Variants in IL1RAPL2 observed in about 807,000 individuals in gnomAD.
IL1RAPL2 encodes interleukin 1 receptor accessory protein like 2.
IL1RAPL2 carries 3 observed loss-of-function variants against 44.1 expected under a neutral mutation model. That is an observed-to-expected ratio of 0.07 (90% CI 0.03 to 0.18). The LOEUF is 0.18. Ranked by LOEUF, IL1RAPL2 falls within the 10% of genes least tolerant of loss-of-function variation. IL1RAPL2 has a pLI of 1.00. For synonymous variants in IL1RAPL2, 181 were observed against 178.8 expected, an observed-to-expected ratio of 1.01 and a Z score of -0.10; for missense variants, 391 against 496.4, an observed-to-expected ratio of 0.79 and a Z score of 2.02.
At chrX:104,682,168 A>G (rs890221749) in intron 2 of IL1RAPL2, among the ~76,000 whole-genome samples, 2 of 112,089 alleles carry the variant, frequency 1.8e-5, no homozygotes, top group African/African-American at 3.2e-5. Flanking sequence ...ATTTGCACCC[A>G]TATCTTACTA....
chrX:105,489,787 TTCTCTCTCTCTCTCTCTC>T (rs36081932), intron 6 of IL1RAPL2, among the ~76,000 whole-genome samples: 1 of 73,373 alleles, frequency 1.4e-5, no homozygotes. Flanking sequence ...CTTTCTCTCT[TTCTCTCTCTCTCTCTCTC>T]TCTCTCTCTC....
At chrX:104,767,480 C>T (rs2147595438) in intron 2 of IL1RAPL2, among the ~76,000 whole-genome samples, 1 of 111,565 alleles carries the variant, frequency 9.0e-6, no homozygotes, top group East Asian at 2.8e-4. Flanking sequence ...AGGTTTTTAA[C>T]AGTCTGCCAT....
At chrX:105,112,945 C>T (rs747110784) in intron 2 of IL1RAPL2, among the ~76,000 whole-genome samples, 2 of 112,615 alleles carry the variant, frequency 1.8e-5, no homozygotes, top group African/African-American at 6.4e-5. Flanking sequence ...GGTCCCAGGC[C>T]TACTTTAGAA....
At chrX:104,917,143 G>C (rs1366197293) in intron 2 of IL1RAPL2, among the ~76,000 whole-genome samples, 1 of 111,662 alleles carries the variant, frequency 9.0e-6, no homozygotes, top group Non-Finnish European at 1.9e-5. Context: ...CAGAAGGAAT[G>C]GTACCAGCTC....
intron 6 of IL1RAPL2, among the ~76,000 whole-genome samples, chrX:105,644,647 G>T: frequency 9.0e-6 from 1 of 110,595 alleles, no homozygotes; most frequent in East Asian, 2.9e-4. Context: ...TGGGGTACAT[G>T]TGCAGAACGC....
intron 8 of IL1RAPL2, among the ~76,000 whole-genome samples, chrX:105,744,384 A>AT (rs1027682248): frequency 9.0e-6 from 1 of 111,503 alleles, no homozygotes; most frequent in African/African-American, 3.3e-5. Flanking sequence ...AACTGTCATA[A>AT]TTTTTTTAAG....
At chrX:104,724,293 A>G (rs1426019792) in intron 2 of IL1RAPL2, among the ~76,000 whole-genome samples, 1 of 110,896 alleles carries the variant, frequency 9.0e-6, no homozygotes, top group Non-Finnish European at 1.9e-5. Context: ...GTTAAGAGAC[A>G]CGCAAATGAA....
At chrX:104,955,436 C>A (rs187034774) in intron 2 of IL1RAPL2, among the ~76,000 whole-genome samples, 1,997 of 107,729 alleles carry the variant, frequency 0.019, 46 homozygotes, top group African/African-American at 0.063. Flanking sequence ...GTCCGGACAA[C>A]AGAAATTTAT....
At chrX:104,810,664 A>G (rs1392277773) in intron 2 of IL1RAPL2, among the ~76,000 whole-genome samples, 2 of 111,799 alleles carry the variant, frequency 1.8e-5, no homozygotes, top group Non-Finnish European at 3.8e-5. Flanking sequence ...TCTCAGGGTC[A>G]TGTGTCAATG....
intron 9 of IL1RAPL2, 31 bp downstream of exon 9, chrX:105,749,134 T>C: frequency 8.5e-7 from 1 of 1,176,306 alleles, no homozygotes; most frequent in East Asian, 3.0e-5. Flanking sequence ...CAAATTCCAT[T>C]AAACGGCATG....
chrX:105,045,760 G>A (rs974831535), intron 2 of IL1RAPL2, among the ~76,000 whole-genome samples: 10 of 110,560 alleles, frequency 9.0e-5, no homozygotes, highest in Non-Finnish European at 1.7e-4. Context: ...ATGGTGTCTT[G>A]CTATGCTGCC....
rs754450900 is a variant in IL1RAPL2, at chrX:105,384,622, A to AT, written c.698-99682dup. Among the ~76,000 whole-genome samples, 16 of 109,146 alleles carry AT rather than the reference A, an allele frequency of 1.5e-4. No homozygotes were observed. The South Asian group carries it at 1.5e-3, about 11-fold the overall frequency. 94.8% of individuals were successfully genotyped at this position (109,146 alleles called of 115,157 possible). The stretch of plus-strand genomic sequence containing the variant: ...TTTGTGGTTCCATATAAATTTTAGG[A>AT]TTTTTTTTTCTATTTCTGTGAAGAA... On this transcript the variant is annotated intron_variant, in intron 5 of 10. Transcript: ENST00000372582.
intron 10 of IL1RAPL2, among the ~76,000 whole-genome samples, chrX:105,762,211 C>T (rs2038693502): frequency 8.9e-6 from 1 of 111,954 alleles, no homozygotes; most frequent in South Asian, 3.7e-4. Flanking sequence ...TTCTATTTCT[C>T]CTCTAAATGC....
intron 2 of IL1RAPL2, among the ~76,000 whole-genome samples, chrX:104,892,064 C>G (rs751711877): frequency 9.0e-6 from 1 of 111,267 alleles, no homozygotes; most frequent in Non-Finnish European, 1.9e-5. Context: ...ATGTGGTTTT[C>G]GTCTTTGGTT....
intron 2 of IL1RAPL2, among the ~76,000 whole-genome samples, chrX:104,775,776 G>A (rs1159305766): frequency 9.0e-6 from 1 of 110,945 alleles, no homozygotes; most frequent in African/African-American, 3.3e-5. Flanking sequence ...ATGTGTAATA[G>A]CAAAAACATA....
At chrX:104,883,862 A>T (rs1923149199) in intron 2 of IL1RAPL2, among the ~76,000 whole-genome samples, 1 of 111,698 alleles carries the variant, frequency 9.0e-6, no homozygotes, top group Non-Finnish European at 1.9e-5. Context: ...GAACCTCAGA[A>T]ATTGTATCCT....
intron 2 of IL1RAPL2, among the ~76,000 whole-genome samples, chrX:104,890,427 G>A (rs140697159): frequency 0.37 from 40,454 of 110,269 alleles, 5,853 homozygotes; most frequent in East Asian, 0.46. Flanking sequence ...GTGTAAAAGT[G>A]TTCCTATTTC....
intron 2 of IL1RAPL2, among the ~76,000 whole-genome samples, chrX:104,898,893 C>T (rs1157636321): frequency 8.9e-6 from 1 of 112,270 alleles, no homozygotes; most frequent in Non-Finnish European, 1.9e-5. Flanking sequence ...GCTGTCAATT[C>T]CTTTTTTGTT....
At position 104,623,314 on chromosome X, in the gene IL1RAPL2, T is replaced by G. The variant is rs1424832868; in HGVS notation, c.-19-35581T>G. On this transcript the variant is annotated intron_variant, in intron 1 of 10. Transcript: ENST00000372582. ...AAGTCATCCCATATTGAATATACAT[T>G]GTTTCCAAAGGACATTTCTGCTTCT... Among the ~76,000 whole-genome samples the G allele has an allele frequency of 2.7e-5, 3 of 110,626 alleles. No individual in the cohort carries two copies. In the East Asian group the frequency reaches 8.6e-4, roughly 32 times the overall value.
Sources: gnomAD v4.1 joint callset for allele counts (sites outside exome capture counted in the v4.1 genomes callset) on GRCh38, gnomAD v4.1.1 for gene constraint, MANE v1.5 for transcripts, NCBI Gene and HGNC (gene_info 2026-07-23, HGNC 2026-07-21) for gene names.